The following TDRD1 variants were observed in gnomAD, a reference collection of about 807,000 sequenced individuals.
TDRD1 encodes the protein tudor domain containing 1, also known as tudor domain-containing protein 1.
In TDRD1, 37 loss-of-function variants were observed where a neutral mutation model predicts 140.6. That is an observed-to-expected ratio of 0.26 (90% CI 0.20 to 0.35). TDRD1 has a LOEUF of 0.35. TDRD1 is among the 10% of genes least tolerant of loss of function. The pLI, the probability that TDRD1 is intolerant of heterozygous loss-of-function variation, is 1.00. For synonymous variants in TDRD1, 506 were observed against 475.7 expected, an observed-to-expected ratio of 1.06 and a Z score of -0.83; for missense variants, 1,243 against 1,393.0, an observed-to-expected ratio of 0.89 and a Z score of 1.71.
At chr10:114,183,809 C>G (rs940451994) in intron 1 of TDRD1, among the ~76,000 whole-genome samples, 7 of 149,750 alleles carry the variant, frequency 4.7e-5, no homozygotes, top group Non-Finnish European at 7.4e-5. Context: ...CTAGGCGATT[C>G]TCCCACCTCA....
chr10:114,210,171 T>A (rs1402368945), intron 11 of TDRD1, among the ~76,000 whole-genome samples: 1 of 152,254 alleles, frequency 6.6e-6, no homozygotes, highest in African/African-American at 2.4e-5. Context: ...TCCTAATAAA[T>A]TGTTCCCTAT....
intron 15 of TDRD1, 111 bp from the exon 16 acceptor site, chr10:114,213,866 A>G (rs1387160979): frequency 2.5e-5 from 23 of 926,854 alleles, no homozygotes; most frequent in Non-Finnish European, 3.8e-5. Flanking sequence ...CTATAAAGGC[A>G]CTTAAAAAGT....
chr10:114,197,484 A>G (rs774606771), intron 3 of TDRD1, among the ~76,000 whole-genome samples: 7 of 151,914 alleles, frequency 4.6e-5, no homozygotes, highest in African/African-American at 7.2e-5. Context: ...ATTGCTTGTT[A>G]ACATATTGAT....
At chr10:114,220,117 A>G (rs1490023216) in intron 18 of TDRD1, among the ~76,000 whole-genome samples, 4 of 152,172 alleles carry the variant, frequency 2.6e-5, no homozygotes, top group Admixed American at 6.5e-5. Context: ...AATCGCTGCT[A>G]AGAAAACAAG....
At chr10:114,190,003 C>T (rs940742000) in intron 2 of TDRD1, among the ~76,000 whole-genome samples, 18 of 152,150 alleles carry the variant, frequency 1.2e-4, no homozygotes, top group African/African-American at 4.3e-4. Flanking sequence ...CTATTAAAGG[C>T]AAATATCCTT....
intron 2 of TDRD1, among the ~76,000 whole-genome samples, chr10:114,190,264 C>T (rs1347949886): frequency 6.6e-6 from 1 of 152,120 alleles, no homozygotes; most frequent in Non-Finnish European, 1.5e-5. Context: ...GCATGTAATG[C>T]ATTTATTTTT....
exon 2 of TDRD1, chr10:114,187,981 C>T (rs755151467): frequency 1.2e-6 from 2 of 1,614,136 alleles, no homozygotes; most frequent in East Asian, 4.5e-5. Flanking sequence ...TTCCTAACCA[C>T]CCTAATTTCA....
upstream of TDRD1, among the ~76,000 whole-genome samples, chr10:114,177,952 T>C (rs1274591996): frequency 2.0e-5 from 3 of 151,656 alleles, no homozygotes; most frequent in Non-Finnish European, 4.4e-5. Flanking sequence ...CCTGCCTTAG[T>C]TTCCCAAGTA....
exon 2 of TDRD1, chr10:114,188,052 A>G (rs760981565): frequency 3.1e-6 from 5 of 1,614,194 alleles, no homozygotes; most frequent in African/African-American, 1.3e-5. Context: ...GAGCAAACCA[A>G]ACAATATTTG....
chr10:114,205,991 T>C (rs943010021), intron 10 of TDRD1, among the ~76,000 whole-genome samples: 1 of 152,204 alleles, frequency 6.6e-6, no homozygotes, highest in Non-Finnish European at 1.5e-5. Flanking sequence ...ACACCTACTA[T>C]GTACTCACAA....
chr10:114,223,808 A>G (rs1204104842), intron 21 of TDRD1, among the ~76,000 whole-genome samples: 2 of 152,162 alleles, frequency 1.3e-5, no homozygotes, highest in Non-Finnish European at 2.9e-5. Flanking sequence ...CATTAGTGCA[A>G]ATTCCCTCAA....
intron 1 of TDRD1, chr10:114,179,940 T>C (rs961368508): frequency 1.3e-5 from 2 of 152,186 alleles, no homozygotes; most frequent in South Asian, 2.1e-4. Context: ...TGCTTCCAGC[T>C]TCCTTAGTGA....
At chr10:114,214,112 A>G (rs892734591) in exon 16 of TDRD1, 22 of 1,612,862 alleles carry the variant, frequency 1.4e-5, no homozygotes, top group Non-Finnish European at 1.9e-5. Flanking sequence ...CTTAAAGAGG[A>G]TGGTAAGTTG....
At chr10:114,202,244 C>T in exon 6 of TDRD1, 2 of 1,601,804 alleles carry the variant, frequency 1.2e-6, no homozygotes, top group South Asian at 1.1e-5. Context: ...GCAGTTTCCA[C>T]AAACTTGAAA....
chr10:114,191,084 A>G lies in TDRD1; in HGVS notation c.384+65A>G, dbSNP rs972051633. 4 of 1,504,888 alleles carry G rather than the reference A, an allele frequency of 2.7e-6. No homozygotes were observed. The Admixed American group carries it at 7.3e-5, about 28-fold the overall frequency. 93.2% of individuals were successfully genotyped at this position (1,504,888 alleles called of 1,614,324 possible). ...GATTCTAAACATGTTTTATTTATTT[A>G]ATAAAGAAGTGTTCAATTTGTAGGT... On this transcript the variant is annotated intron_variant, in intron 3 of 25. Transcript: ENST00000251864.
chr10:114,214,181 G>A (rs1024495353), intron 16 of TDRD1, 67 bp downstream of exon 16: 4 of 1,402,904 alleles, frequency 2.9e-6, no homozygotes, highest in Non-Finnish European at 4.0e-6. Flanking sequence ...CTTCACATGA[G>A]TTTGTTACTA....
At chr10:114,200,961 C>G (rs539676199) in intron 4 of TDRD1, among the ~76,000 whole-genome samples, 2 of 145,994 alleles carry the variant, frequency 1.4e-5, no homozygotes, top group Admixed American at 7.3e-5. Flanking sequence ...GTTCGAGATT[C>G]TCCTGCTTCA....
At chr10:114,215,336 G>A (rs1327860919) in intron 16 of TDRD1, among the ~76,000 whole-genome samples, 2 of 152,154 alleles carry the variant, frequency 1.3e-5, no homozygotes, top group African/African-American at 2.4e-5. Context: ...TGCTTGGGCT[G>A]TAAATTAGTG....
At chr10:114,222,380 C>G (rs944093186) in intron 20 of TDRD1, among the ~76,000 whole-genome samples, 29 of 152,148 alleles carry the variant, frequency 1.9e-4, no homozygotes, top group Non-Finnish European at 1.2e-4. Flanking sequence ...TGCCCACTCC[C>G]GGTATTGATT....
Sources: allele counts gnomAD v4.1 joint callset (sites outside exome capture counted in the v4.1 genomes callset), GRCh38; gene constraint gnomAD v4.1.1; transcripts MANE v1.5; gene names NCBI Gene and HGNC (gene_info 2026-07-23, HGNC 2026-07-21).